TMEM163: variants seen among roughly 807,000 people sequenced by gnomAD.
The protein encoded by TMEM163 is transmembrane protein 163.
In TMEM163, 17 loss-of-function variants were observed where a neutral mutation model predicts 29.3. The observed-to-expected ratio is 0.58, with a 90% CI of 0.40 to 0.87. TMEM163 has a LOEUF of 0.87. Among genes scored for constraint, TMEM163 ranks in the 40% least tolerant of loss-of-function variants. The pLI, the probability that TMEM163 is intolerant of heterozygous loss-of-function variation, is 0.00. For synonymous variants in TMEM163, 157 were observed against 160.6 expected, an observed-to-expected ratio of 0.98 and a Z score of 0.17; for missense variants, 303 against 381.5, an observed-to-expected ratio of 0.79 and a Z score of 1.71.
intron 5 of TMEM163, among the ~76,000 whole-genome samples, chr2:134,474,735 T>C (rs770276805): frequency 1.8e-4 from 27 of 152,304 alleles, no homozygotes; most frequent in Admixed American, 7.8e-4. Context: ...GCTAGAAATA[T>C]GGAGTTTTTG....
At chr2:134,646,135 AGTGCAATG>A (rs1406641716) in intron 2 of TMEM163, among the ~76,000 whole-genome samples, 1 of 151,404 alleles carries the variant, frequency 6.6e-6, no homozygotes, top group Non-Finnish European at 1.5e-5. Context: ...CCCAGGCTAG[AGTGCAATG>A]GTACGATCTC....
intron 2 of TMEM163, among the ~76,000 whole-genome samples, chr2:134,662,699 G>A (rs1683783112): frequency 6.6e-6 from 1 of 152,182 alleles, no homozygotes; most frequent in South Asian, 2.1e-4. Context: ...CCTTGACATT[G>A]CTGACCTGAA....
At position 134,662,083 on chromosome 2, in the gene TMEM163, G is replaced by C. The variant is rs370326056; in HGVS notation, c.322+51117C>G. Among the ~76,000 whole-genome samples the C allele has an allele frequency of 4.0e-5, 6 of 151,826 alleles. No individual in the cohort carries two copies. The East Asian group carries it at 9.7e-4, about 25-fold the overall frequency. The stretch of plus-strand genomic sequence containing the variant: ...CCTGAGTAGCTGGGACTACAGGCGC[G>C]TGCCACCACACCTGGTTAATTTTTT... On this transcript the variant is annotated intron_variant, in intron 2 of 7. Coordinates refer to ENST00000281924, the MANE Select transcript of TMEM163 (RefSeq NM_030923.5).
chr2:134,648,599 C>A (rs1474655384), intron 2 of TMEM163, among the ~76,000 whole-genome samples: 1 of 152,100 alleles, frequency 6.6e-6, no homozygotes, highest in Non-Finnish European at 1.5e-5. Context: ...GAAAAAGAAC[C>A]ATCATCCAGC....
At chr2:134,633,327 G>A (rs1683023084) in intron 2 of TMEM163, among the ~76,000 whole-genome samples, 1 of 152,142 alleles carries the variant, frequency 6.6e-6, no homozygotes, top group South Asian at 2.1e-4. Flanking sequence ...AGATGACAGA[G>A]ACATGAGCGG....
At chr2:134,546,115 A>G (rs1020904489) in intron 4 of TMEM163, among the ~76,000 whole-genome samples, 14 of 152,236 alleles carry the variant, frequency 9.2e-5, no homozygotes, top group Non-Finnish European at 5.9e-5. Context: ...TAGAATTATA[A>G]AATGATGTAA....
At chr2:134,708,622 T>C (rs1480418143) in intron 2 of TMEM163, among the ~76,000 whole-genome samples, 1 of 152,042 alleles carries the variant, frequency 6.6e-6, no homozygotes, top group African/African-American at 2.4e-5. Flanking sequence ...AGTCTTGCTC[T>C]GTCACCCAGG....
At chr2:134,528,087 C>G (rs1026781957) in intron 4 of TMEM163, among the ~76,000 whole-genome samples, 5 of 152,166 alleles carry the variant, frequency 3.3e-5, no homozygotes, top group Non-Finnish European at 5.9e-5. Flanking sequence ...AACACCTGGT[C>G]CTTCTAACAC....
intron 6 of TMEM163, among the ~76,000 whole-genome samples, chr2:134,464,569 C>T (rs1443035922): frequency 6.6e-6 from 1 of 152,120 alleles, no homozygotes; most frequent in East Asian, 1.9e-4. Flanking sequence ...TCCATGCACA[C>T]GGGTGATGCT....
Position 134,633,966 on chromosome 2 carries a change from C to CATATAT in TMEM163, c.322+79228_322+79233dup, listed in dbSNP as rs535811215. ...GTGAAACTGTCTCAAAAAAAAAATA[C>CATATAT]ATATATATATATATATATATATATA... On this transcript the variant is annotated intron_variant, in intron 2 of 7. Coordinates refer to ENST00000281924, the MANE Select transcript of TMEM163 (RefSeq NM_030923.5). 2.4e-3 allele frequency among the ~76,000 whole-genome samples: 90 copies of CATATAT among 37,822 alleles called. 1 individual carries two copies. The highest frequency in any genetic ancestry group is 4.9e-3 in the Non-Finnish European group (62 of 12,576). The allele number at this position is 37,822 out of a possible 152,430, so 24.8% of individuals were successfully genotyped here. A position where few individuals can be genotyped will look rare whatever the true frequency, so the allele number is the denominator to read the frequency against.
At chr2:134,625,504 G>A (rs1351315337) in intron 2 of TMEM163, among the ~76,000 whole-genome samples, 1 of 152,218 alleles carries the variant, frequency 6.6e-6, no homozygotes, top group East Asian at 1.9e-4. Flanking sequence ...TTCTGAGTCA[G>A]AGTCCGGAAG....
Position 134,656,059 on chromosome 2 carries a change from G to A in TMEM163, c.322+57141C>T, listed in dbSNP as rs1349298245. Among the ~76,000 whole-genome samples the A allele has an allele frequency of 2.1e-5, 3 of 144,842 alleles. No individual in the cohort carries two copies. The East Asian group carries it at 5.9e-4, about 28-fold the overall frequency. On this transcript the variant is annotated intron_variant, in intron 2 of 7. Coordinates refer to ENST00000281924, the MANE Select transcript of TMEM163 (RefSeq NM_030923.5). The stretch of plus-strand genomic sequence containing the variant: ...TACAGAGGCAGGCAGGCCTCCTTGA[G>A]CTGTGGTGGGCTCCACCCAGTTCGA...
At chr2:134,595,342 C>T (rs1326480349) in intron 2 of TMEM163, among the ~76,000 whole-genome samples, 1 of 152,064 alleles carries the variant, frequency 6.6e-6, no homozygotes, top group African/African-American at 2.4e-5. Context: ...TCAATTCCCA[C>T]CTATGAGTGA....
chr2:134,638,737 C>T (rs1247049327), intron 2 of TMEM163, among the ~76,000 whole-genome samples: 1 of 152,086 alleles, frequency 6.6e-6, no homozygotes, highest in African/African-American at 2.4e-5. Flanking sequence ...GAGGGGAGAA[C>T]CAAAGGCTCC....
At chr2:134,461,246 G>A (rs988222690) in intron 6 of TMEM163, among the ~76,000 whole-genome samples, 4 of 152,226 alleles carry the variant, frequency 2.6e-5, no homozygotes, top group Admixed American at 2.0e-4. Flanking sequence ...CCACCAGTCT[G>A]GCTTTGCCAA....
chr2:134,647,801 C>G (rs1683366903), intron 2 of TMEM163, among the ~76,000 whole-genome samples: 2 of 152,214 alleles, frequency 1.3e-5, no homozygotes, highest in South Asian at 4.1e-4. Context: ...CCACTGTGTT[C>G]CACCCCTCAC....
intron 6 of TMEM163, among the ~76,000 whole-genome samples, chr2:134,459,547 A>G (rs1574146766): frequency 1.0e-5 from 1 of 98,362 alleles, no homozygotes. Context: ...CTCTTCTTCC[A>G]CCCCACGCCT....
At chr2:134,716,077 T>A (rs144399183) in intron 1 of TMEM163, among the ~76,000 whole-genome samples, 221 of 152,216 alleles carry the variant, frequency 1.5e-3, no homozygotes, top group African/African-American at 4.8e-3. Flanking sequence ...TTGAACTCTG[T>A]GAAGAAAGGG....
chr2:134,517,170 A>G (rs1669428000), intron 4 of TMEM163, among the ~76,000 whole-genome samples: 1 of 151,334 alleles, frequency 6.6e-6, no homozygotes, highest in Non-Finnish European at 1.5e-5. Context: ...TCAAACTTCC[A>G]CAGCTGATCA....
Sources: allele counts gnomAD v4.1 joint callset (sites outside exome capture counted in the v4.1 genomes callset), GRCh38; gene constraint gnomAD v4.1.1; transcripts MANE v1.5; gene names NCBI Gene and HGNC (gene_info 2026-07-23, HGNC 2026-07-21).